The following TNS3 variants were observed in gnomAD, a reference collection of about 807,000 sequenced individuals.
TNS3 encodes tensin-3.
Under a neutral mutation model 140.9 loss-of-function variants are expected in TNS3, and 45 were observed. The ratio of observed to expected loss-of-function variants is 0.32; its 90% confidence interval spans 0.25 to 0.41. The LOEUF is 0.41. TNS3 is among the 10% of genes least tolerant of loss of function. The probability of loss-of-function intolerance (pLI) is 1.00; values close to 1 mark genes in which losing one functional copy is unlikely to be tolerated. For missense variants in TNS3, 1,716 were observed against 1,906.7 expected (o/e 0.90, Z 1.86); for synonymous variants, 815 against 788.4 (o/e 1.03, Z -0.56).
intron 9 of TNS3, among the ~76,000 whole-genome samples, chr7:47,427,838 G>A (rs1799371): frequency 0.4 from 61,406 of 152,074 alleles, 12,557 homozygotes; most frequent in Non-Finnish European, 0.42. Context: ...TAACTGCCTC[G>A]TGGATTAGTT....
chr7:47,413,870 G>C (rs115393262), intron 12 of TNS3, 67 bp downstream of exon 12: 1 of 1,562,672 alleles, frequency 6.4e-7, no homozygotes, highest in East Asian at 2.2e-5. Flanking sequence ...AGGCAGCTGA[G>C]GGTCAGCTGC....
At chr7:47,473,362 T>C (rs1428375217) in intron 4 of TNS3, among the ~76,000 whole-genome samples, 1 of 152,186 alleles carries the variant, frequency 6.6e-6, no homozygotes, top group Non-Finnish European at 1.5e-5. Flanking sequence ...CATTTGCGTA[T>C]ATCCATTGAC....
intron 9 of TNS3, among the ~76,000 whole-genome samples, chr7:47,425,959 A>G (rs1224953099): frequency 6.6e-6 from 1 of 152,128 alleles, no homozygotes; most frequent in African/African-American, 2.4e-5. Flanking sequence ...AAATATATGT[A>G]TAAGAATGTG....
At chr7:47,343,322 T>C (rs1218916720) in intron 20 of TNS3, among the ~76,000 whole-genome samples, 1 of 152,230 alleles carries the variant, frequency 6.6e-6, no homozygotes, top group East Asian at 1.9e-4. Context: ...TAGACGGGGC[T>C]CCACATTCTC....
chr7:47,301,499 C>T (rs981200047), intron 23 of TNS3, among the ~76,000 whole-genome samples: 6 of 152,142 alleles, frequency 3.9e-5, no homozygotes, highest in African/African-American at 1.4e-4. Flanking sequence ...GGGGCTGTCT[C>T]CAAGCAGGGC....
At chr7:47,303,998 G>C (rs375349928) in intron 21 of TNS3, among the ~76,000 whole-genome samples, 1 of 152,176 alleles carries the variant, frequency 6.6e-6, no homozygotes. Context: ...CCACATACAC[G>C]TGTGCCCTCG....
chr7:47,369,179 A>G lies in TNS3; in HGVS notation c.1467T>C (p.Ser489=). 1 of 1,614,142 alleles carries G rather than the reference A, an allele frequency of 6.2e-7. No homozygotes were observed. Among genetic ancestry groups the G allele is most frequent in the Non-Finnish European group, 8.5e-7 (1 of 1,180,020 alleles). Reference sequence around the variant, plus strand: ...AGGACAGGGTCCCAAGGCTGTCCACACTGTGCAGGTCGTGGTGGGGCATCT... The same window carrying G: ...AGGACAGGGTCCCAAGGCTGTCCACGCTGTGCAGGTCGTGGTGGGGCATCT... ...DDEMPHHDLH[S]VDSLGTLSSS... Residue 489 remains serine (S), a synonymous_variant, in exon 17 of 31, where the codon AGT becomes AGC. Coordinates refer to ENST00000311160, the MANE Select transcript of TNS3 (RefSeq NM_022748.12).
chr7:47,491,830 T>C (rs998156128), intron 3 of TNS3, among the ~76,000 whole-genome samples: 3 of 152,156 alleles, frequency 2.0e-5, no homozygotes, highest in Admixed American at 6.5e-5. Flanking sequence ...CCGAGAGTCA[T>C]GTCCTACAGA....
intron 1 of TNS3, among the ~76,000 whole-genome samples, chr7:47,562,637 G>T (rs1800340806): frequency 6.6e-6 from 1 of 152,006 alleles, no homozygotes; most frequent in Non-Finnish European, 1.5e-5. Context: ...CTGCCGCCTT[G>T]GTCTCCCAAA....
chr7:47,425,624 G>C (rs1794606885), intron 9 of TNS3, among the ~76,000 whole-genome samples: 1 of 152,228 alleles, frequency 6.6e-6, no homozygotes. Context: ...CTGAGCAGCA[G>C]AGTGCAGCTC....
chr7:47,537,553 C>A (rs1429302530), intron 1 of TNS3, among the ~76,000 whole-genome samples: 1 of 152,126 alleles, frequency 6.6e-6, no homozygotes, highest in Non-Finnish European at 1.5e-5. Context: ...TACCGACGCG[C>A]CGCGCTTGGC....
At position 47,559,210 on chromosome 7, in the gene TNS3, C is replaced by A. The variant is rs369508200; in HGVS notation, c.-265+22841G>T. ...ACTAAAAATACAGAAATTAGCCAGG[C>A]ATGGTGACGCGCGCCTGTAGTCTCA... On this transcript the variant is annotated intron_variant, in intron 1 of 30. Coordinates refer to ENST00000311160, the MANE Select transcript of TNS3 (RefSeq NM_022748.12). 2.0e-5 allele frequency among the ~76,000 whole-genome samples: 3 copies of A among 152,128 alleles called. No individual in the cohort carries two copies. In the East Asian group the frequency reaches 5.8e-4, roughly 29 times the overall value.
chr7:47,312,654 G>T (rs1350232355), intron 20 of TNS3, among the ~76,000 whole-genome samples: 1 of 149,308 alleles, frequency 6.7e-6, no homozygotes, highest in Non-Finnish European at 1.5e-5. Context: ...AATGAGCTGA[G>T]ATCATGCCAC....
chr7:47,300,625 G>C (rs1294087057), intron 23 of TNS3, among the ~76,000 whole-genome samples: 1 of 152,264 alleles, frequency 6.6e-6, no homozygotes, highest in Non-Finnish European at 1.5e-5. Flanking sequence ...TGCACAATGA[G>C]AGAAGGGGGC....
intron 3 of TNS3, among the ~76,000 whole-genome samples, chr7:47,498,923 C>T (rs560507549): frequency 1.3e-5 from 2 of 152,346 alleles, no homozygotes; most frequent in African/African-American, 4.8e-5. Context: ...GGCAAGGCCC[C>T]GAGCTGCTGG....
chr7:47,413,942 C>T lies in TNS3; in HGVS notation c.642G>A (p.Gly214=), dbSNP rs148426711. The stretch of plus-strand genomic sequence containing the variant: ...GCAGCAGCAGCAGCACTCACTAGAT[C>T]CCGGAGGTGTACACAGGCTGCATGG... ...YQAMQPVYTS[G]IYNVGPENPS... The change falls in exon 12 of 31, where the codon GGG becomes GGA. Residue 214 remains glycine (G), a synonymous_variant. Transcript: ENST00000311160. The T allele has an allele frequency of 9.0e-3, 14,600 of 1,613,800 alleles. 116 individuals are homozygous for T. The highest frequency in any genetic ancestry group is 0.026 in the Middle Eastern group (160 of 6,062).
chr7:47,342,388 G>A (rs931545642), intron 20 of TNS3, among the ~76,000 whole-genome samples: 1 of 152,196 alleles, frequency 6.6e-6, no homozygotes, highest in Non-Finnish European at 1.5e-5. Flanking sequence ...ACGCAGTTAA[G>A]CATTACTGCA....
chr7:47,578,105 G>C (rs749707769), intron 1 of TNS3, among the ~76,000 whole-genome samples: 5 of 151,670 alleles, frequency 3.3e-5, no homozygotes, highest in Non-Finnish European at 7.4e-5. Flanking sequence ...CTGAGGTCAG[G>C]AGTTCGAGAC....
intron 24 of TNS3, among the ~76,000 whole-genome samples, chr7:47,296,064 T>G (rs1039025979): frequency 2.0e-5 from 3 of 152,048 alleles, no homozygotes; most frequent in Admixed American, 1.3e-4. Context: ...CAATTTCCAT[T>G]TGGGGAGACA....
Sources: gnomAD v4.1 joint callset for allele counts (sites outside exome capture counted in the v4.1 genomes callset) on GRCh38, gnomAD v4.1.1 for gene constraint, MANE v1.5 for transcripts, NCBI Gene and HGNC (gene_info 2026-07-23, HGNC 2026-07-21) for gene names.